Variants in BTNL9 observed in about 807,000 individuals in gnomAD.
BTNL9 encodes butyrophilin like 9.
In BTNL9, 45 loss-of-function variants were observed where a neutral mutation model predicts 45.8. The observed-to-expected ratio is 0.98, with a 90% CI of 0.77 to 1.26. BTNL9 has a LOEUF of 1.26. BTNL9 is among the 50% of genes most tolerant of loss of function. The probability of loss-of-function intolerance (pLI) is 0.00; values close to 1 mark genes in which losing one functional copy is unlikely to be tolerated. For missense variants in BTNL9, 784 were observed against 729.7 expected, an observed-to-expected ratio of 1.07 and a Z score of -0.86; for synonymous variants, 346 against 330.8, an observed-to-expected ratio of 1.05 and a Z score of -0.50.
intron 6 of BTNL9, 166 bp from the exon 7 acceptor site, chr5:181,054,073 G>T (rs890860607): frequency 1.9e-6 from 3 of 1,547,634 alleles, no homozygotes; most frequent in African/African-American, 2.7e-5. Context: ...CCCATCCCCT[G>T]CCTGGAGCCT....
At chr5:181,058,924 A>G (rs540624016) in intron 10 of BTNL9, among the ~76,000 whole-genome samples, 5 of 151,864 alleles carry the variant, frequency 3.3e-5, no homozygotes, top group Admixed American at 2.0e-4. Flanking sequence ...GAACCAGCCC[A>G]TAGGTCCTTC....
At position 181,045,604 on chromosome 5, in the gene BTNL9, G is replaced by C. The variant is rs770185561; in HGVS notation, c.109+6G>C. On this transcript the variant is annotated splice_donor_region_variant and intron_variant, in intron 2 of 10. Coordinates refer to ENST00000327705, the MANE Select transcript of BTNL9 (RefSeq NM_152547.5). ...GCCTGGGGAGCCGAGCTCAGGTATTGTGTCTGCAGCCTAGCTGGCCAGGAT... is the reference window on the plus strand; with the variant it reads ...GCCTGGGGAGCCGAGCTCAGGTATTCTGTCTGCAGCCTAGCTGGCCAGGAT... The C allele has an allele frequency of 7.5e-6, 12 of 1,604,422 alleles. No homozygotes were observed. The highest frequency in any genetic ancestry group is 2.7e-5 in the African/African-American group (2 of 74,576).
At chr5:181,054,048 A>G (rs1248833357) in intron 6 of BTNL9, 191 bp from the exon 7 acceptor site, 1 of 1,545,014 alleles carries the variant, frequency 6.5e-7, no homozygotes, top group Admixed American at 2.0e-5. Flanking sequence ...AAGGGCAGCC[A>G]AGGGTGCGCA....
rs1440726582 is a variant in BTNL9, at chr5:181,042,540, G to GAGGA, written c.-24+2109_-24+2112dup. Among the ~76,000 whole-genome samples the GAGGA allele has an allele frequency of 6.6e-6, 1 of 152,160 alleles. No individual in the cohort carries two copies. Among genetic ancestry groups the GAGGA allele is most frequent in the Non-Finnish European group, 1.5e-5 (1 of 68,036 alleles). On this transcript the variant is annotated intron_variant, in intron 1 of 10. Transcript: ENST00000327705. The surrounding 1 kb of genome is among the most constrained non-coding windows in gnomAD (Gnocchi z 4.5). ...GGGCGGACGCACAGCAGCAAACGGG[G>GAGGA]AGGAGGGTGCTGTCCAGGAGCCGCT... is the stretch of plus-strand genomic sequence containing the variant.
chr5:181,059,631 G>C lies in BTNL9; in HGVS notation c.1377G>C (p.Glu459Asp). Residue 459 changes from glutamate to aspartate, a missense_variant, in exon 11 of 11, where the codon GAG (glutamate) becomes GAC (aspartate). Coordinates refer to ENST00000327705, the MANE Select transcript of BTNL9 (RefSeq NM_152547.5). ...TCTTCCTGGACTACGAGGCCGGAGA[G>C]CTGTCCTTCTTCAACGTGTCCGACG... ...LGVFLDYEAG[E>D]LSFFNVSDGS... 6.2e-7 allele frequency: 1 copy of C among 1,613,640 alleles called. No individual in the cohort carries two copies. Among genetic ancestry groups the C allele is most frequent in the Admixed American group, 1.7e-5 (1 of 60,034 alleles).
chr5:181,055,233 T>C lies in BTNL9; in HGVS notation c.908-200T>C, dbSNP rs1226033838. On this transcript the variant is annotated intron_variant, in intron 7 of 10. Coordinates refer to ENST00000327705, the MANE Select transcript of BTNL9 (RefSeq NM_152547.5). This position sits in a 1 kb window ranked among gnomAD's most constrained non-coding sequence, Gnocchi z 4.4. ...GCAGATTTCCACCTTTGAGCTAAGATAGGATGAGGCATAAGAGTCCTGCAG... is the reference window on the plus strand; with the variant it reads ...GCAGATTTCCACCTTTGAGCTAAGACAGGATGAGGCATAAGAGTCCTGCAG... The C allele has an allele frequency of 1.4e-6, 2 of 1,439,270 alleles. No homozygotes were observed. Among genetic ancestry groups the C allele is most frequent in the South Asian group, 3.0e-5 (2 of 67,160 alleles). 89.2% of individuals were successfully genotyped at this position (1,439,270 alleles called of 1,614,324 possible). A position where few individuals can be genotyped will look rare whatever the true frequency, so the allele number is the denominator to read the frequency against.
At position 181,044,815 on chromosome 5, in the gene BTNL9, A is replaced by G. The variant is rs1395109407; in HGVS notation, c.-23-652A>G. On this transcript the variant is annotated intron_variant, in intron 1 of 10. Transcript: ENST00000327705. ...AGGGGTGGCTAGATGGGATGACTCC[A>G]TCACTGTAGCCCCGAAGATGCTATC... Among the ~76,000 whole-genome samples the G allele has an allele frequency of 2.0e-5, 3 of 152,140 alleles. No homozygotes were observed. The East Asian group carries it at 5.8e-4, about 29-fold the overall frequency.
intron 1 of BTNL9, among the ~76,000 whole-genome samples, chr5:181,043,222 GTGTGTGTC>G (rs1475664393): frequency 0.097 from 4,136 of 42,852 alleles, 181 homozygotes; most frequent in African/African-American, 0.28. Flanking sequence ...GTGCATCTGT[GTGTGTGTC>G]TATGTGTGTG....
chr5:181,045,554 T>C lies in BTNL9; in HGVS notation c.65T>C (p.Phe22Ser), dbSNP rs371450738. The change falls in exon 2 of 11, where the codon TTC becomes TCC. Residue 22 changes from phenylalanine (F) to serine (S), a missense_variant. Transcript: ENST00000327705. The part of the protein sequence containing the change: ...KPVSLTSSLV[F>S]LMHLLLLQPG... ...GTATCGCTGACCAGCAGTCTTGTCT[T>C]CCTCATGCACCTCCTCCTCCTTCAG... The C allele has an allele frequency of 2.5e-6, 4 of 1,612,592 alleles. No individual in the cohort carries two copies. Among genetic ancestry groups the C allele is most frequent in the Non-Finnish European group, 3.4e-6 (4 of 1,179,410 alleles).
chr5:181,053,248 C>T lies in BTNL9; in HGVS notation c.785C>T (p.Thr262Ile). Residue 262 changes from threonine (T) to isoleucine (I), a missense_variant, in exon 5 of 11, where the codon ACC becomes ATC. By Grantham distance (89) the Thr-to-Ile change is moderately conservative. Coordinates refer to ENST00000327705, the MANE Select transcript of BTNL9 (RefSeq NM_152547.5). The surrounding 1 kb of genome is among the most constrained non-coding windows in gnomAD (Gnocchi z 6.5). ...ASAWKSAFVA[T>I]LPLLLVLAAL... is the part of the protein sequence containing the mutation. ...GCGTGGAAGAGCGCGTTCGTCGCGA[C>T]CCTGCCGCTGCTGTTGGTCCTCGCG... is the stretch of plus-strand genomic sequence containing the variant. 6.3e-7 allele frequency: 1 copy of T among 1,589,850 alleles called. No individual in the cohort carries two copies. The highest frequency in any genetic ancestry group is 8.6e-7 in the Non-Finnish European group (1 of 1,169,136).
At chr5:181,046,468 C>T (rs75574444) in intron 2 of BTNL9, among the ~76,000 whole-genome samples, 1 of 152,114 alleles carries the variant, frequency 6.6e-6, no homozygotes, top group Non-Finnish European at 1.5e-5. Flanking sequence ...AATTTTACCC[C>T]TTGCAAATCT....
At chr5:181,046,710 GGA>G (rs148346380) in intron 2 of BTNL9, among the ~76,000 whole-genome samples, 1 of 145,846 alleles carries the variant, frequency 6.9e-6, no homozygotes, top group East Asian at 2.0e-4. Context: ...AGAGAGAGAG[GGA>G]GAGAGAGAGA....
Position 181,053,405 on chromosome 5 carries a change from G to A in BTNL9, c.854-64G>A. The A allele has an allele frequency of 2.0e-6, 3 of 1,537,308 alleles. No homozygotes were observed. Among genetic ancestry groups the A allele is most frequent in the Non-Finnish European group, 2.6e-6 (3 of 1,140,844 alleles). ...GGCGCCTCCCCCCAGGACGCGGCGC[G>A]GGAAGGCGGCCTGGAAGGGGCGGGG... On this transcript the variant is annotated intron_variant, in intron 5 of 10. Coordinates refer to ENST00000327705, the MANE Select transcript of BTNL9 (RefSeq NM_152547.5). The surrounding 1 kb of genome is among the most constrained non-coding windows in gnomAD (Gnocchi z 6.5).
chr5:181,056,932 A>G, intron 9 of BTNL9: 1 of 269,714 alleles, frequency 3.7e-6, no homozygotes. Context: ...CTCTACTGAA[A>G]ATTGCCAGCT....
At chr5:181,045,752 G>A (rs1226398906) in intron 2 of BTNL9, among the ~76,000 whole-genome samples, 154 bp downstream of exon 2, 6 of 151,290 alleles carry the variant, frequency 4.0e-5, no homozygotes, top group Non-Finnish European at 8.8e-5. Flanking sequence ...CCACTACCCC[G>A]AGCATTACCC....
chr5:181,055,575 C>T lies in BTNL9; in HGVS notation c.928+122C>T, dbSNP rs1761833675. 1 of 1,137,252 alleles carries T rather than the reference C, an allele frequency of 8.8e-7. No individual in the cohort carries two copies. The highest frequency in any genetic ancestry group is 1.8e-5 in the Admixed American group (1 of 56,506). 70.4% of individuals were successfully genotyped at this position (1,137,252 alleles called of 1,614,324 possible). A position where few individuals can be genotyped will look rare whatever the true frequency, so the allele number is the denominator to read the frequency against. On this transcript the variant is annotated intron_variant, in intron 8 of 10. Transcript: ENST00000327705. The surrounding 1 kb of genome is among the most constrained non-coding windows in gnomAD (Gnocchi z 4.4). The stretch of plus-strand genomic sequence containing the variant: ...ACGAGGTCAGGAGATCGAGACCAGC[C>T]TGGCTAACACAGTGAAACCCCGTCT...
chr5:181,055,712 T>G lies in BTNL9; in HGVS notation c.928+259T>G. ...TGAACCCGGGAAGCGGAGCTTGCAG[T>G]GAGCCGAGATGGCGCCACTGCACTC... On this transcript the variant is annotated intron_variant, in intron 8 of 10. Coordinates refer to ENST00000327705, the MANE Select transcript of BTNL9 (RefSeq NM_152547.5). This position sits in a 1 kb window ranked among gnomAD's most constrained non-coding sequence, Gnocchi z 4.4. The G allele has an allele frequency of 1.4e-6, 1 of 689,688 alleles. No homozygotes were observed. The highest frequency in any genetic ancestry group is 2.6e-6 in the Non-Finnish European group (1 of 381,800). The allele number at this position is 689,688 out of a possible 1,614,324, so 42.7% of individuals were successfully genotyped here.
chr5:181,047,914 C>G lies in BTNL9; in HGVS notation c.110-13C>G, dbSNP rs1192784519. ...TGAGGGTTGCTTTTGCCTGTTCTGA[C>G]TTGTCATCCTAGAGGTCAAGGTGCT... is the stretch of plus-strand genomic sequence containing the variant. On this transcript the variant is annotated splice_polypyrimidine_tract_variant and intron_variant, in intron 2 of 10. Coordinates refer to ENST00000327705, the MANE Select transcript of BTNL9 (RefSeq NM_152547.5). The G allele has an allele frequency of 6.2e-7, 1 of 1,606,118 alleles. No individual in the cohort carries two copies. Among genetic ancestry groups the G allele is most frequent in the South Asian group, 1.1e-5 (1 of 90,728 alleles).
At chr5:181,051,786 A>G (rs1050734719) in intron 4 of BTNL9, among the ~76,000 whole-genome samples, 10 of 152,180 alleles carry the variant, frequency 6.6e-5, no homozygotes, top group African/African-American at 2.2e-4. Context: ...GGAAAAACCC[A>G]ATATTTTCTT....
Sources: allele counts gnomAD v4.1 joint callset (sites outside exome capture counted in the v4.1 genomes callset), GRCh38; gene constraint gnomAD v4.1.1; non-coding constraint Gnocchi (gnomAD v3.1); transcripts MANE v1.5; gene names NCBI Gene and HGNC (gene_info 2026-07-23, HGNC 2026-07-21).